Variants in IMMP2L observed in about 807,000 individuals in gnomAD.
IMMP2L encodes the protein inner mitochondrial membrane peptidase subunit 2, also known as mitochondrial inner membrane protease subunit 2.
Under a neutral mutation model 19.3 loss-of-function variants are expected in IMMP2L, and 18 were observed. That is an observed-to-expected ratio of 0.93 (90% confidence interval 0.64 to 1.38). The LOEUF is 1.38. Among genes scored for constraint, IMMP2L ranks in the 40% most tolerant of loss-of-function variants. The pLI, the probability that IMMP2L is intolerant of heterozygous loss-of-function variation, is 0.00. For synonymous variants in IMMP2L, 76 were observed against 73.0 expected (o/e 1.04, Z -0.21); for missense variants, 233 against 218.2 (o/e 1.07, Z -0.43).
At chr7:111,471,281 T>C (rs956989892) in intron 3 of IMMP2L, among the ~76,000 whole-genome samples, 1 of 152,136 alleles carries the variant, frequency 6.6e-6, no homozygotes, top group African/African-American at 2.4e-5. Flanking sequence ...CAAAATGTAC[T>C]GATTTACCCG....
intron 3 of IMMP2L, among the ~76,000 whole-genome samples, chr7:111,139,707 C>T (rs1802688433): frequency 6.6e-6 from 1 of 152,000 alleles, no homozygotes; most frequent in African/African-American, 2.4e-5. Flanking sequence ...ATAAAAATAG[C>T]AATAAACCTC....
rs71147473 is a variant in IMMP2L, at chr7:111,306,606, CTGTGTGTGTGTGTGTGTG to C, written c.239+180614_239+180631del. On this transcript the variant is annotated intron_variant, in intron 3 of 5. Transcript: ENST00000405709. The stretch of plus-strand genomic sequence containing the variant: ...AGATCACATTGATTATCACTGGACT[CTGTGTGTGTGTGTGTGTG>C]TGTGTGTGTGTGTGTGTGTGTGTGT... Among the ~76,000 whole-genome samples, 146 of 136,210 alleles carry C rather than the reference CTGTGTGTGTGTGTGTGTG, an allele frequency of 1.1e-3. 2 individuals are homozygous for C. Among genetic ancestry groups the C allele is most frequent in the African/African-American group, 3.7e-3 (137 of 36,990 alleles). The allele number at this position is 136,210 out of a possible 152,430, so 89.4% of individuals were successfully genotyped here.
At chr7:111,017,486 G>A (rs777220531) in intron 3 of IMMP2L, among the ~76,000 whole-genome samples, 4 of 152,084 alleles carry the variant, frequency 2.6e-5, no homozygotes, top group Non-Finnish European at 5.9e-5. Flanking sequence ...CCACAATCTT[G>A]TGCCTTGAAA....
intron 3 of IMMP2L, among the ~76,000 whole-genome samples, chr7:111,225,425 A>C (rs1442732554): frequency 6.6e-6 from 1 of 152,056 alleles, no homozygotes; most frequent in African/African-American, 2.4e-5. Flanking sequence ...TAACCCAATG[A>C]ATCTATATTT....
intron 1 of IMMP2L, among the ~76,000 whole-genome samples, chr7:111,559,756 T>C (rs1585700091): frequency 6.6e-6 from 1 of 152,178 alleles, no homozygotes; most frequent in South Asian, 2.1e-4. Flanking sequence ...GGCACTGTTT[T>C]TTCACACATT....
At chr7:111,106,270 T>C (rs995049462) in intron 3 of IMMP2L, among the ~76,000 whole-genome samples, 1 of 151,916 alleles carries the variant, frequency 6.6e-6, no homozygotes, top group Admixed American at 6.6e-5. Context: ...GTGGAACAAT[T>C]GAAGCACAAG....
intron 2 of IMMP2L, among the ~76,000 whole-genome samples, chr7:111,497,661 A>C (rs1168758685): frequency 6.6e-6 from 1 of 152,076 alleles, no homozygotes; most frequent in East Asian, 1.9e-4. Context: ...GAAAAGAAAG[A>C]GAGTAACTTA....
At chr7:110,966,091 T>C (rs1819516798) in intron 3 of IMMP2L, among the ~76,000 whole-genome samples, 1 of 151,988 alleles carries the variant, frequency 6.6e-6, no homozygotes, top group Non-Finnish European at 1.5e-5. Context: ...AATACAGTCA[T>C]TAAAAATGAT....
Position 110,910,149 on chromosome 7 carries a change from C to T in IMMP2L, c.306-23454G>A, listed in dbSNP as rs186028700. ...GTATACAGGAACGATGCATGCTAGGCTTGGGATGAAGCGTGAAATACTAAG... is the reference window on the plus strand; with the variant it reads ...GTATACAGGAACGATGCATGCTAGGTTTGGGATGAAGCGTGAAATACTAAG... On this transcript the variant is annotated intron_variant, in intron 4 of 5. Transcript: ENST00000405709. 1.2e-3 allele frequency among the ~76,000 whole-genome samples: 190 copies of T among 152,168 alleles called. No individual in the cohort carries two copies. The South Asian group carries it at 0.015, about 12-fold the overall frequency.
intron 4 of IMMP2L, among the ~76,000 whole-genome samples, chr7:110,948,768 A>C (rs1404943272): frequency 2.0e-5 from 3 of 152,136 alleles, no homozygotes; most frequent in African/African-American, 7.2e-5. Context: ...TTTATTTCTG[A>C]GTGTGTCTCT....
At chr7:111,308,382 G>C (rs1823118981) in intron 3 of IMMP2L, among the ~76,000 whole-genome samples, 1 of 151,914 alleles carries the variant, frequency 6.6e-6, no homozygotes, top group African/African-American at 2.4e-5. Flanking sequence ...TGGTGATGTA[G>C]GAATCTGGAG....
chr7:110,900,525 C>T (rs1267069930), intron 4 of IMMP2L, among the ~76,000 whole-genome samples: 1 of 152,192 alleles, frequency 6.6e-6, no homozygotes, highest in Non-Finnish European at 1.5e-5. Flanking sequence ...TAGTCATTCT[C>T]CACACAACAG....
intron 3 of IMMP2L, among the ~76,000 whole-genome samples, chr7:111,453,439 G>A (rs1229725294): frequency 6.6e-6 from 1 of 152,182 alleles, no homozygotes; most frequent in Non-Finnish European, 1.5e-5. Context: ...GTTAGAAACA[G>A]ATTGAGAGAC....
At chr7:111,019,261 G>A (rs1357911552) in intron 3 of IMMP2L, among the ~76,000 whole-genome samples, 3 of 152,178 alleles carry the variant, frequency 2.0e-5, no homozygotes, top group African/African-American at 7.2e-5. Flanking sequence ...GTGACTGTGA[G>A]CTCTTTGCTG....
intron 3 of IMMP2L, among the ~76,000 whole-genome samples, chr7:110,993,412 G>C (rs144182112): frequency 6.6e-6 from 1 of 152,006 alleles, no homozygotes; most frequent in Non-Finnish European, 1.5e-5. Context: ...GTTTTTTCTA[G>C]AAAGGTTACC....
intron 3 of IMMP2L, among the ~76,000 whole-genome samples, chr7:111,297,314 A>G (rs901723144): frequency 6.6e-6 from 1 of 152,104 alleles, no homozygotes; most frequent in African/African-American, 2.4e-5. Flanking sequence ...TTATCACTGG[A>G]GAAAACTGGG....
chr7:110,887,973 T>G (rs1810402562), intron 4 of IMMP2L, among the ~76,000 whole-genome samples: 1 of 152,114 alleles, frequency 6.6e-6, no homozygotes, highest in African/African-American at 2.4e-5. Flanking sequence ...TTTAAAAAAC[T>G]AAACATAAAT....
chr7:111,145,496 AAG>A (rs1486925334), intron 3 of IMMP2L, among the ~76,000 whole-genome samples: 1 of 152,164 alleles, frequency 6.6e-6, no homozygotes, highest in Non-Finnish European at 1.5e-5. Context: ...TGGGTAGGCC[AAG>A]CAGCAGCAGA....
At chr7:111,059,288 C>T (rs1793796796) in intron 3 of IMMP2L, among the ~76,000 whole-genome samples, 1 of 152,102 alleles carries the variant, frequency 6.6e-6, no homozygotes, top group African/African-American at 2.4e-5. Context: ...AGCCTTCTCG[C>T]ATCTTGTCAA....
Sources: gnomAD v4.1 joint callset for allele counts (sites outside exome capture counted in the v4.1 genomes callset) on GRCh38, gnomAD v4.1.1 for gene constraint, MANE v1.5 for transcripts, NCBI Gene and HGNC (gene_info 2026-07-23, HGNC 2026-07-21) for gene names.